Variants in TM6SF1 observed in about 807,000 individuals in gnomAD.
TM6SF1 encodes transmembrane 6 superfamily member 1.
TM6SF1 carries 43 observed loss-of-function variants against 47.1 expected under a neutral mutation model. That is an observed-to-expected ratio of 0.91 (90% CI 0.72 to 1.18). TM6SF1 has a LOEUF of 1.18. TM6SF1 is among the 50% of genes most tolerant of loss of function. The pLI is 0.00. For synonymous variants in TM6SF1, 177 were observed against 166.3 expected, an observed-to-expected ratio of 1.06 and a Z score of -0.49; for missense variants, 390 against 449.0, an observed-to-expected ratio of 0.87 and a Z score of 1.19.
chr15:83,127,851 T>C lies in TM6SF1; in HGVS notation c.921+374T>C, dbSNP rs17841159. ...GTCACCTTCAAAATGTCCATCCAAA[T>C]TTAAGACTTCAGAATTCCACTACGC... On this transcript the variant is annotated intron_variant, in intron 9 of 9. Transcript: ENST00000322019. The C allele has an allele frequency of 6.0e-4, 156 of 262,144 alleles. 2 individuals carry two copies. The East Asian group carries it at 0.016, about 27-fold the overall frequency. The allele number at this position is 262,144 out of a possible 1,614,324, so 16.2% of individuals were successfully genotyped here.
intron 4 of TM6SF1, 185 bp downstream of exon 4, chr15:83,119,866 T>C: frequency 1.2e-6 from 1 of 833,512 alleles, no homozygotes; most frequent in Non-Finnish European, 1.8e-6. Context: ...TATGTCCTTC[T>C]GAATTGCTCC....
chr15:83,130,081 C>T (rs1443452560), intron 9 of TM6SF1: 2 of 152,200 alleles, frequency 1.3e-5, no homozygotes. Context: ...GGTACCAGTC[C>T]CTGATGCAGG....
intron 9 of TM6SF1, chr15:83,130,123 TAA>T (rs1277505974): frequency 1.3e-5 from 2 of 152,288 alleles, no homozygotes; most frequent in South Asian, 2.1e-4. Context: ...GCAGGCTGGT[TAA>T]AGAGACCAGA....
intron 1 of TM6SF1, chr15:83,111,671 A>C (rs1376276224): frequency 1.0e-6 from 1 of 985,206 alleles, no homozygotes. Flanking sequence ...CTCCAATCTG[A>C]AGAGGTCCTG....
chr15:83,121,575 C>A (rs2035247777), intron 4 of TM6SF1, among the ~76,000 whole-genome samples: 2 of 152,128 alleles, frequency 1.3e-5, no homozygotes, highest in Non-Finnish European at 1.5e-5. Context: ...GATCCAATTT[C>A]ATTTCTTCTT....
At chr15:83,135,724 C>G (rs976141577) in intron 9 of TM6SF1, 2 of 152,108 alleles carry the variant, frequency 1.3e-5, no homozygotes, top group African/African-American at 4.8e-5. Flanking sequence ...TTTGCAAATG[C>G]GGATAATGCT....
intron 9 of TM6SF1, chr15:83,132,736 A>C (rs1314305515): frequency 6.6e-6 from 1 of 152,166 alleles, no homozygotes; most frequent in Non-Finnish European, 1.5e-5. Flanking sequence ...GGAGACGTTA[A>C]GAAAAATCTG....
At chr15:83,126,036 T>G (rs2151374273) in intron 7 of TM6SF1, among the ~76,000 whole-genome samples, 1 of 152,310 alleles carries the variant, frequency 6.6e-6, no homozygotes, top group Admixed American at 6.5e-5. Context: ...CCTGTATTCT[T>G]GCACGGCCAT....
intron 2 of TM6SF1, 44 bp from the exon 3 acceptor site, chr15:83,115,801 C>G: frequency 7.7e-7 from 1 of 1,292,280 alleles, no homozygotes; most frequent in Non-Finnish European, 1.1e-6. Flanking sequence ...TAGTAATTGT[C>G]TCCTGAGCTA....
chr15:83,121,207 A>G (rs2035213524), intron 4 of TM6SF1, among the ~76,000 whole-genome samples: 1 of 151,316 alleles, frequency 6.6e-6, no homozygotes, highest in Non-Finnish European at 1.5e-5. Flanking sequence ...AGTAGCTGGA[A>G]TTACAGGTGC....
At chr15:83,109,557 T>C (rs1567128688) in intron 1 of TM6SF1, among the ~76,000 whole-genome samples, 2 of 152,166 alleles carry the variant, frequency 1.3e-5, no homozygotes, top group Admixed American at 1.3e-4. Flanking sequence ...ATTCCTCTCT[T>C]CTTTCTCCAC....
intron 9 of TM6SF1, chr15:83,135,404 T>C (rs1439890619): frequency 1.3e-5 from 2 of 152,256 alleles, no homozygotes; most frequent in Non-Finnish European, 2.9e-5. Context: ...TTCTCTATAG[T>C]GCAGTCTTTT....
At chr15:83,111,354 T>C (rs1457895328) in intron 1 of TM6SF1, among the ~76,000 whole-genome samples, 4 of 151,784 alleles carry the variant, frequency 2.6e-5, no homozygotes, top group Non-Finnish European at 4.4e-5. Context: ...ATCCATCAAT[T>C]CATCCATCAT....
chr15:83,119,181 C>T (rs1472137228), intron 3 of TM6SF1, among the ~76,000 whole-genome samples: 1 of 152,352 alleles, frequency 6.6e-6, no homozygotes, highest in South Asian at 2.1e-4. Context: ...TAAGGCCAGC[C>T]ACTGGTTCTG....
intron 9 of TM6SF1, chr15:83,131,079 G>C (rs1291590517): frequency 6.6e-6 from 1 of 151,986 alleles, no homozygotes; most frequent in East Asian, 1.9e-4. Flanking sequence ...GTGACAGAGA[G>C]AGACCCTGTC....
In TM6SF1 at chr15:83,111,603, C is replaced by T. The variant is rs937783388; in HGVS notation, c.93-1194C>T. ...GACGGTGATAGTTATCCAAAGGTCCCGATGTTGGGCTGTGGTGGTGTGGAG... is the reference window on the plus strand; with the variant it reads ...GACGGTGATAGTTATCCAAAGGTCCTGATGTTGGGCTGTGGTGGTGTGGAG... On this transcript the variant is annotated intron_variant, in intron 1 of 9. Coordinates refer to ENST00000322019, the MANE Select transcript of TM6SF1 (RefSeq NM_023003.5). 10 of 985,210 alleles carry T rather than the reference C, an allele frequency of 1.0e-5. No individual in the cohort carries two copies. In the African/African-American group the frequency reaches 1.2e-4, roughly 12 times the overall value. 61.0% of individuals were successfully genotyped at this position (985,210 alleles called of 1,614,324 possible). A position where few individuals can be genotyped will look rare whatever the true frequency, so the allele number is the denominator to read the frequency against.
At chr15:83,120,767 T>C (rs1019038117) in intron 4 of TM6SF1, among the ~76,000 whole-genome samples, 1 of 151,974 alleles carries the variant, frequency 6.6e-6, no homozygotes, top group Non-Finnish European at 1.5e-5. Context: ...TTTTTCACCA[T>C]GTTGGCCAGG....
chr15:83,124,801 G>A (rs748488599), intron 7 of TM6SF1, 25 bp downstream of exon 7: 30 of 1,539,872 alleles, frequency 1.9e-5, no homozygotes, highest in East Asian at 6.7e-5. Context: ...TCATAATAAC[G>A]TAACATTGTG....
chr15:83,119,745 A>C, intron 4 of TM6SF1, 64 bp downstream of exon 4: 1 of 1,608,342 alleles, frequency 6.2e-7, no homozygotes, highest in Non-Finnish European at 8.5e-7. Flanking sequence ...GTATGTAAGG[A>C]AACGTTATGC....
Sources: allele counts gnomAD v4.1 joint callset (sites outside exome capture counted in the v4.1 genomes callset), GRCh38; gene constraint gnomAD v4.1.1; transcripts MANE v1.5; gene names NCBI Gene and HGNC (gene_info 2026-07-23, HGNC 2026-07-21).